Variants in SENP7 observed in about 807,000 individuals in gnomAD.
The protein encoded by SENP7 is sentrin-specific protease 7.
SENP7 carries 64 observed loss-of-function variants against 141.2 expected under a neutral mutation model. The observed-to-expected ratio is 0.45, with a 90% confidence interval of 0.37 to 0.56. The LOEUF is 0.56. Among genes scored for constraint, SENP7 ranks in the 20% least tolerant of loss-of-function variants. SENP7 has a pLI of 0.00. For synonymous variants in SENP7, 382 were observed against 426.4 expected (o/e 0.90, Z 1.28); for missense variants, 1,025 against 1,212.2 (o/e 0.85, Z 2.29).
rs1184984892 is a variant in SENP7 at position 101,398,972 on chromosome 3, C to T, written c.566G>A (p.Ser189Asn). 1.2e-6 allele frequency: 2 copies of T among 1,613,734 alleles called. No individual in the cohort carries two copies. Among genetic ancestry groups the T allele is most frequent in the Admixed American group, 1.7e-5 (1 of 60,006 alleles). Residue 189 changes from serine (S) to asparagine (N), a missense_variant, in exon 6 of 24, where the codon AGT (serine) becomes AAT (asparagine). Ser to Asn is a conservative substitution (Grantham distance 46). Around this residue, in one of 4 missense-constraint regions of SENP7, gnomAD observed 496 missense variants for 503.5 expected, o/e 0.99. Coordinates refer to ENST00000394095, the MANE Select transcript of SENP7 (RefSeq NM_020654.5). ...TTGCAAGTTGTCTGTATCACTCAAA[C>T]TTCCCTCAGTTACAGGTGGGGTCCT... Reference protein sequence around the residue: ...YIRTPPVTEGSLSDTDNLQSE... With the variant: ...YIRTPPVTEGNLSDTDNLQSE...
chr3:101,410,763 T>G (rs915679888), intron 5 of SENP7, among the ~76,000 whole-genome samples: 1 of 151,766 alleles, frequency 6.6e-6, no homozygotes, highest in African/African-American at 2.4e-5. Context: ...AAGAATCACT[T>G]GAACCTGGAA....
intron 4 of SENP7, among the ~76,000 whole-genome samples, chr3:101,448,120 A>G (rs2062965502): frequency 6.6e-6 from 1 of 152,234 alleles, no homozygotes; most frequent in Non-Finnish European, 1.5e-5. Context: ...ACCTAAATCT[A>G]AGAGCTAAAA....
At chr3:101,449,190 G>T (rs947629235) in intron 4 of SENP7, among the ~76,000 whole-genome samples, 1 of 152,114 alleles carries the variant, frequency 6.6e-6, no homozygotes, top group African/African-American at 2.4e-5. Flanking sequence ...AAGAAGAAAC[G>T]AATAAAGCCT....
Position 101,330,378 on chromosome 3 carries a change from G to C in SENP7, c.2707C>G (p.Leu903Val), listed in dbSNP as rs1265688472. Residue 903 changes from leucine (L) to valine (V), a missense_variant, in exon 20 of 24, where the codon CTA becomes GTA. By Grantham distance (32) the Leu-to-Val change is conservative. This residue lies in a region of SENP7 where 295 missense variants were observed against 459.1 expected (regional missense o/e 0.64). Transcript: ENST00000394095. ...AAAGACAGTGTCGAAGTAGTACGTA[G>C]ATCATTATCTAGTTAGAAATAATTA... ...QNDNKTIDND[L>V]RTTSTLSLSA... The C allele has an allele frequency of 6.2e-7, 1 of 1,604,236 alleles. No homozygotes were observed. Among genetic ancestry groups the C allele is most frequent in the African/African-American group, 1.3e-5 (1 of 74,636 alleles).
intron 6 of SENP7, among the ~76,000 whole-genome samples, chr3:101,380,445 C>CCCCCCCACA (rs58844573): frequency 1.6e-5 from 2 of 128,870 alleles, no homozygotes; most frequent in African/African-American, 2.8e-5. Flanking sequence ...GCCCCCCCCC[C>CCCCCCCACA]CACACACACA....
rs907313178 is a variant in SENP7, at chr3:101,344,075, G to C, written c.1838-121C>G. ...ATAACCCCAAGTATTTTGTATTTTA[G>C]GTAATAACCAAGGCAAATTAATATC... On this transcript the variant is annotated intron_variant, in intron 13 of 23. Coordinates refer to ENST00000394095, the MANE Select transcript of SENP7 (RefSeq NM_020654.5). 74 of 747,734 alleles carry C rather than the reference G, an allele frequency of 9.9e-5. 1 individual carries two copies. In the African/African-American group the frequency reaches 1.2e-3, roughly 12 times the overall value. 46.3% of individuals were successfully genotyped at this position (747,734 alleles called of 1,614,324 possible). A position where few individuals can be genotyped will look rare whatever the true frequency, so the allele number is the denominator to read the frequency against.
At position 101,513,050 on chromosome 3, in the gene SENP7, TA is replaced by T. The variant is rs141777281; in HGVS notation, c.40+40del. The stretch of plus-strand genomic sequence containing the variant: ...GCCTGCGCCTCCCGTTTCCCCCGGG[TA>T]GGAGACAATATGTTCAGCCCTTCTC... On this transcript the variant is annotated intron_variant, in intron 1 of 23. Coordinates refer to ENST00000394095, the MANE Select transcript of SENP7 (RefSeq NM_020654.5). The T allele has an allele frequency of 2.5e-6, 4 of 1,603,726 alleles. No individual in the cohort carries two copies. The Admixed American group carries it at 5.0e-5, about 20-fold the overall frequency.
At chr3:101,417,487 T>C (rs2061658417) in intron 5 of SENP7, 106 bp downstream of exon 5, 1 of 918,194 alleles carries the variant, frequency 1.1e-6, no homozygotes, top group African/African-American at 1.6e-5. Context: ...TGCCTATATA[T>C]GCAAATCTCC....
chr3:101,381,232 A>C (rs549082473), intron 6 of SENP7, among the ~76,000 whole-genome samples: 1 of 152,328 alleles, frequency 6.6e-6, no homozygotes, highest in Non-Finnish European at 1.5e-5. Flanking sequence ...TTTTTAACTT[A>C]AATGCATCTC....
chr3:101,463,981 T>A (rs1250790707), intron 3 of SENP7, among the ~76,000 whole-genome samples: 1 of 151,962 alleles, frequency 6.6e-6, no homozygotes, highest in Non-Finnish European at 1.5e-5. Flanking sequence ...CCCACTACCA[T>A]GCCCAGCTAA....
chr3:101,449,353 T>C (rs1469416795), intron 4 of SENP7, among the ~76,000 whole-genome samples: 1 of 152,064 alleles, frequency 6.6e-6, no homozygotes, highest in African/African-American at 2.4e-5. Context: ...AACATTCAAA[T>C]TCAGGAAATA....
chr3:101,470,552 T>C (rs1043840163), intron 3 of SENP7, among the ~76,000 whole-genome samples: 4 of 152,160 alleles, frequency 2.6e-5, no homozygotes, highest in South Asian at 4.1e-4. Context: ...TCATACTGAA[T>C]AGGCAAAAAC....
At chr3:101,505,373 G>A (rs1289152470) in intron 1 of SENP7, among the ~76,000 whole-genome samples, 1 of 152,098 alleles carries the variant, frequency 6.6e-6, no homozygotes, top group Non-Finnish European at 1.5e-5. Context: ...CATTTTAAAA[G>A]GAATGTCAGT....
In SENP7 at chr3:101,381,390, A is replaced by G. The variant is rs1376700793; in HGVS notation, c.678-9264T>C. On this transcript the variant is annotated intron_variant, in intron 6 of 23. Coordinates refer to ENST00000394095, the MANE Select transcript of SENP7 (RefSeq NM_020654.5). ...GTAAAGATTAATATCAAAAGAGGATAGTGTGAAATGAATAAAAATAACACT... is the reference window on the plus strand; with the variant it reads ...GTAAAGATTAATATCAAAAGAGGATGGTGTGAAATGAATAAAAATAACACT... Among the ~76,000 whole-genome samples, 4 of 152,186 alleles carry G rather than the reference A, an allele frequency of 2.6e-5. No individual in the cohort carries two copies. In the East Asian group the frequency reaches 7.7e-4, roughly 29 times the overall value.
At chr3:101,380,445 C>CCCCCCCA (rs58844573) in intron 6 of SENP7, among the ~76,000 whole-genome samples, 3 of 128,872 alleles carry the variant, frequency 2.3e-5, no homozygotes, top group South Asian at 2.7e-4. Context: ...GCCCCCCCCC[C>CCCCCCCA]CACACACACA....
intron 4 of SENP7, among the ~76,000 whole-genome samples, chr3:101,419,418 A>C (rs966245279): frequency 1.3e-5 from 2 of 152,254 alleles, no homozygotes; most frequent in Non-Finnish European, 2.9e-5. Context: ...TTTATGAAGA[A>C]TAAAATGGAA....
intron 2 of SENP7, among the ~76,000 whole-genome samples, chr3:101,500,279 G>C (rs750312359): frequency 6.6e-5 from 10 of 152,232 alleles, no homozygotes; most frequent in Admixed American, 3.9e-4. Flanking sequence ...CTATATGCCA[G>C]GTATGGTGGC....
At chr3:101,379,856 A>G (rs2060445478) in intron 6 of SENP7, among the ~76,000 whole-genome samples, 1 of 152,216 alleles carries the variant, frequency 6.6e-6, no homozygotes, top group African/African-American at 2.4e-5. Context: ...GGAGAGATAC[A>G]AACACACACT....
chr3:101,357,869 CT>C (rs751198315), intron 11 of SENP7: 9 of 558,192 alleles, frequency 1.6e-5, no homozygotes, highest in Non-Finnish European at 1.7e-5. Flanking sequence ...CTGGCAAAGC[CT>C]TTAAGCTGCC....
Sources: gnomAD v4.1 joint callset for allele counts (sites outside exome capture counted in the v4.1 genomes callset) on GRCh38, gnomAD v4.1.1 for gene constraint, gnomAD v4.1.1 regional missense constraint, MANE v1.5 for transcripts, NCBI Gene and HGNC (gene_info 2026-07-23, HGNC 2026-07-21) for gene names.